The following OR1F1 variants were observed in gnomAD, a reference collection of about 807,000 sequenced individuals.
OR1F1 encodes the protein olfactory receptor family 1 subfamily F member 1.
For missense variants in OR1F1, 493 were observed against 376.3 expected (o/e 1.31, Z -2.57); for synonymous variants, 184 against 156.7 (o/e 1.17, Z -1.30).
the OR1F1 span, among the ~76,000 whole-genome samples, chr16:3,192,918 A>T: frequency 4.0e-4 from 61 of 151,106 alleles, no homozygotes; most frequent in Admixed American, 1.3e-3. Flanking sequence ...CCGCGGGATT[A>T]AAAAAAAAGA....
chr16:3,205,919 C>G (rs538100204), downstream of OR1F1, among the ~76,000 whole-genome samples: 6 of 152,102 alleles, frequency 3.9e-5, no homozygotes, highest in Non-Finnish European at 7.4e-5. Flanking sequence ...AACAGAATAA[C>G]AGTGATTTTA....
the OR1F1 span, among the ~76,000 whole-genome samples, chr16:3,194,278 T>C: frequency 6.6e-6 from 1 of 152,162 alleles, no homozygotes; most frequent in East Asian, 1.9e-4. Context: ...CTGTTTTGGT[T>C]TGTTTGTTTG....
chr16:3,205,186 T>C lies in OR1F1; in HGVS notation c.*1T>C, dbSNP rs200823415. 12 of 1,599,866 alleles carry C rather than the reference T, an allele frequency of 7.5e-6. No individual in the cohort carries two copies. In the African/African-American group the frequency reaches 1.5e-4, roughly 20 times the overall value. ...TGGCAGGGTGGTGTTTTCTGTCTGATGAAATAATCAAGACTGAATCTCATT... is the reference window on the plus strand; with the variant it reads ...TGGCAGGGTGGTGTTTTCTGTCTGACGAAATAATCAAGACTGAATCTCATT... On this transcript the variant is annotated 3_prime_UTR_variant, in exon 1 of 1. Coordinates refer to ENST00000304646, the Ensembl canonical transcript of OR1F1.
chr16:3,196,127 C>G, the OR1F1 span, among the ~76,000 whole-genome samples: 1 of 152,232 alleles, frequency 6.6e-6, no homozygotes, highest in African/African-American at 2.4e-5. Flanking sequence ...AGCACACACT[C>G]CATTATCAGA....
chr16:3,189,398 G>C, the OR1F1 span, among the ~76,000 whole-genome samples: 40 of 152,306 alleles, frequency 2.6e-4, 1 homozygote, highest in South Asian at 8.3e-4. Flanking sequence ...TGGCGGTGGC[G>C]GGCGAGGACC....
upstream of OR1F1, chr16:3,204,104 GC>G: frequency 1.6e-6 from 1 of 644,562 alleles, no homozygotes. Flanking sequence ...AGCAGTAGCA[GC>G]CCCAGCAGGG....
downstream of OR1F1, chr16:3,205,213 C>T (rs1958191304): frequency 2.0e-6 from 3 of 1,523,588 alleles, no homozygotes; most frequent in African/African-American, 1.4e-5. Flanking sequence ...AATCTCATTC[C>T]CAAGGAAATT....
upstream of OR1F1, among the ~76,000 whole-genome samples, chr16:3,201,256 GC>G: frequency 6.6e-6 from 1 of 151,974 alleles, no homozygotes; most frequent in Non-Finnish European, 1.5e-5. Context: ...TCACATTTTG[GC>G]CATTGTGACT....
rs1218462445 is a variant in OR1F1, at chr16:3,204,915, C to A, written c.669C>A (p.Cys223Ter). 3 of 1,614,216 alleles carry A rather than the reference C, an allele frequency of 1.9e-6. No homozygotes were observed. In the Admixed American group the frequency reaches 5.0e-5, roughly 27 times the overall value. The change falls in exon 1 of 1, where the codon TGC becomes TGA. Residue 223 changes from cysteine to a stop codon, truncating the protein, a stop_gained. Transcript: ENST00000304646. LOFTEE classifies it low-confidence loss of function (END_TRUNC). ...TGGCTTCTTATATGCACATCACCTG[C>A]ACTGTCCTGAAGGTCCCATCCACAA...
At chr16:3,202,517 G>A (rs939173864), upstream of OR1F1, among the ~76,000 whole-genome samples, 15 of 152,060 alleles carry the variant, frequency 9.9e-5, no homozygotes, top group East Asian at 3.9e-4. Flanking sequence ...CAGATCTTTC[G>A]TAATTAGCTT....
chr16:3,195,403 A>G, the OR1F1 span, among the ~76,000 whole-genome samples: 1 of 152,224 alleles, frequency 6.6e-6, no homozygotes, highest in Non-Finnish European at 1.5e-5. Context: ...CGTCCATCCC[A>G]GTGAGAAAGG....
chr16:3,199,479 A>G (rs1958111893), upstream of OR1F1, among the ~76,000 whole-genome samples: 2 of 152,008 alleles, frequency 1.3e-5, no homozygotes, highest in African/African-American at 4.8e-5. Context: ...ATAATGAGAC[A>G]TCATCTTTAC....
chr16:3,192,096 G>T, the OR1F1 span, among the ~76,000 whole-genome samples: 4 of 152,236 alleles, frequency 2.6e-5, no homozygotes, highest in East Asian at 3.9e-4. Context: ...TCGCTCGGTC[G>T]CCCAGGCTGG....
the OR1F1 span, among the ~76,000 whole-genome samples, chr16:3,195,197 C>G: frequency 0.25 from 38,224 of 152,164 alleles, 5,248 homozygotes; most frequent in African/African-American, 0.36. Flanking sequence ...ACCGTTCCTT[C>G]TCTTCCTGCC....
At chr16:3,191,962 A>G in the OR1F1 span, among the ~76,000 whole-genome samples, 3 of 152,180 alleles carry the variant, frequency 2.0e-5, no homozygotes, top group African/African-American at 4.8e-5. Context: ...CGGCTGCCAC[A>G]AAGAAAAGTA....
the OR1F1 span, among the ~76,000 whole-genome samples, chr16:3,190,788 A>G: frequency 2.0e-5 from 3 of 151,638 alleles, no homozygotes; most frequent in Non-Finnish European, 4.4e-5. Context: ...ACAAGGTATC[A>G]TGAACAACAA....
At chr16:3,193,789 G>A in the OR1F1 span, among the ~76,000 whole-genome samples, 3 of 152,158 alleles carry the variant, frequency 2.0e-5, no homozygotes, top group African/African-American at 7.2e-5. Context: ...TAGAGACGGG[G>A]TCTCGCTATG....
chr16:3,195,636 C>G, the OR1F1 span, among the ~76,000 whole-genome samples: 1 of 139,328 alleles, frequency 7.2e-6, no homozygotes. Flanking sequence ...GAGCAGAGAT[C>G]ACACCATTGT....
At chr16:3,188,666 C>T in the OR1F1 span, among the ~76,000 whole-genome samples, 5 of 152,216 alleles carry the variant, frequency 3.3e-5, no homozygotes, top group Non-Finnish European at 5.9e-5. Flanking sequence ...GACCCCGGGG[C>T]CTTCCCACTG....
Sources: gnomAD v4.1 joint callset for allele counts (sites outside exome capture counted in the v4.1 genomes callset) on GRCh38, gnomAD v4.1.1 for gene constraint, MANE v1.5 for transcripts, NCBI Gene and HGNC (gene_info 2026-07-23, HGNC 2026-07-21) for gene names.